ARID2: variants seen among roughly 807,000 people sequenced by gnomAD.
The protein encoded by ARID2 is AT-rich interaction domain 2, also known as AT-rich interactive domain-containing protein 2.
A neutral mutation model predicts 184.6 loss-of-function variants in ARID2; 32 were observed. The observed-to-expected ratio is 0.17, with a 90% CI of 0.13 to 0.23. The LOEUF (loss-of-function observed/expected upper bound fraction) is 0.23. Among genes scored for constraint, ARID2 ranks in the 10% least tolerant of loss-of-function variants. The pLI, the probability that ARID2 is intolerant of heterozygous loss-of-function variation, is 1.00. For synonymous variants in ARID2, 836 were observed against 772.6 expected, an observed-to-expected ratio of 1.08 and a Z score of -1.36; for missense variants, 1,696 against 2,197.6, an observed-to-expected ratio of 0.77 and a Z score of 4.56.
chr12:45,855,864 G>T (rs1483184195), intron 15 of ARID2, among the ~76,000 whole-genome samples: 2 of 151,658 alleles, frequency 1.3e-5, no homozygotes, highest in Non-Finnish European at 2.9e-5. Flanking sequence ...GGGAGCACAG[G>T]CATGTACTGC....
intron 3 of ARID2, among the ~76,000 whole-genome samples, chr12:45,749,606 A>G (rs964189454): frequency 2.6e-5 from 4 of 152,186 alleles, no homozygotes; most frequent in African/African-American, 9.7e-5. Context: ...ATCTTCTTCC[A>G]ATAGAAGGCT....
rs2138154824 is a variant in ARID2, at chr12:45,848,958, A to G, written c.1703A>G (p.Tyr568Cys). ...GGAATCCTAACATCAACTGGATTTTATAAATGTCTTAGGTAGGATCCATAG... is the reference window on the plus strand; with the variant it reads ...GGAATCCTAACATCAACTGGATTTTGTAAATGTCTTAGGTAGGATCCATAG... ...RGGILTSTGF[Y>C]KCLRTVFPNH... Residue 568 changes from tyrosine to cysteine, a missense_variant, in exon 13 of 21, where the codon TAT becomes TGT. By Grantham distance (194) the Tyr-to-Cys change is radical. Around this residue, in one of 11 missense-constraint regions of ARID2, gnomAD observed 713 missense variants for 824.4 expected, o/e 0.86. Transcript: ENST00000334344. The G allele has an allele frequency of 6.2e-7, 1 of 1,612,090 alleles. No individual in the cohort carries two copies. The highest frequency in any genetic ancestry group is 1.1e-5 in the South Asian group (1 of 90,836).
At chr12:45,854,726 T>G (rs920891849) in intron 15 of ARID2, among the ~76,000 whole-genome samples, 1 of 152,224 alleles carries the variant, frequency 6.6e-6, no homozygotes, top group African/African-American at 2.4e-5. Context: ...CCAACACTCA[T>G]TTTTTGTACC....
intron 12 of ARID2, 52 bp downstream of exon 12, chr12:45,846,989 G>GAAAAA: frequency 6.6e-7 from 1 of 1,507,638 alleles, no homozygotes; most frequent in Non-Finnish European, 9.1e-7. Context: ...GTAAAGCAAA[G>GAAAAA]AAAAAAAGGA....
chr12:45,901,214 A>G (rs916765268), intron 20 of ARID2, among the ~76,000 whole-genome samples: 1 of 110,884 alleles, frequency 9.0e-6, no homozygotes, highest in African/African-American at 3.7e-5. Flanking sequence ...TCCGTTGCCC[A>G]GGCTGGAATG....
chr12:45,819,387 G>A (rs1453953626), intron 5 of ARID2, among the ~76,000 whole-genome samples: 1 of 152,126 alleles, frequency 6.6e-6, no homozygotes, highest in Non-Finnish European at 1.5e-5. Context: ...TCTATCATTT[G>A]AAGTCACAGA....
At chr12:45,882,791 A>G (rs1220932483) in intron 16 of ARID2, among the ~76,000 whole-genome samples, 1 of 152,266 alleles carries the variant, frequency 6.6e-6, no homozygotes, top group East Asian at 1.9e-4. Flanking sequence ...TTGTGGTCAT[A>G]AAACCAGAAG....
chr12:45,893,982 A>G (rs1357082908), intron 20 of ARID2: 4 of 257,604 alleles, frequency 1.6e-5, no homozygotes, highest in Non-Finnish European at 2.9e-5. Context: ...TTAGAACAAA[A>G]AGCAGCTGTA....
chr12:45,781,483 A>G (rs1368126453), intron 3 of ARID2, among the ~76,000 whole-genome samples: 1 of 149,562 alleles, frequency 6.7e-6, no homozygotes, highest in Non-Finnish European at 1.5e-5. Context: ...TCAGATTATC[A>G]TTGGTCATTA....
chr12:45,793,782 C>T (rs1023070843), intron 3 of ARID2, among the ~76,000 whole-genome samples: 6 of 150,050 alleles, frequency 4.0e-5, no homozygotes, highest in African/African-American at 1.5e-4. Flanking sequence ...ATCTCCATAC[C>T]TCCATTTAGA....
At position 45,842,683 on chromosome 12, in the gene ARID2, G is replaced by A. The variant is rs145693849; in HGVS notation, c.1498+3187G>A. Among the ~76,000 whole-genome samples, 1,043 of 151,838 alleles carry A rather than the reference G, an allele frequency of 6.9e-3. 9 individuals are homozygous for A. The highest frequency in any genetic ancestry group is 0.024 in the African/African-American group (988 of 41,358). Reference sequence around the variant, plus strand: ...GAGGCAGGAGAATTGCTTGAACCAGGGAGGCAGAGGTTGCAGTGAGCCGAG... The same window carrying A: ...GAGGCAGGAGAATTGCTTGAACCAGAGAGGCAGAGGTTGCAGTGAGCCGAG... On this transcript the variant is annotated intron_variant, in intron 11 of 20. Coordinates refer to ENST00000334344, the MANE Select transcript of ARID2 (RefSeq NM_152641.4).
rs146077419 is a variant in ARID2, at chr12:45,793,216, C to G, written c.285-18202C>G. ...TTGGGAGGCTGAGACAAGAGAACCG[C>G]TTGAACCCCGGAAGCAGAGGTTGCA... On this transcript the variant is annotated intron_variant, in intron 3 of 20. Transcript: ENST00000334344. Among the ~76,000 whole-genome samples, 1,500 of 152,100 alleles carry G rather than the reference C, an allele frequency of 9.9e-3. 30 individuals are homozygous for G. The highest frequency in any genetic ancestry group is 0.035 in the African/African-American group (1,445 of 41,470).
chr12:45,786,902 G>A lies in ARID2; in HGVS notation c.285-24516G>A, dbSNP rs375265111. Among the ~76,000 whole-genome samples the A allele has an allele frequency of 2.3e-3, 344 of 152,234 alleles. 12 individuals carry two copies. The South Asian group carries it at 0.067, about 30-fold the overall frequency. ...AGTCAGGCACAGAAACACAAATACT[G>A]CATGAGCTCAATTATATGTGGAACC... On this transcript the variant is annotated intron_variant, in intron 3 of 20. Coordinates refer to ENST00000334344, the MANE Select transcript of ARID2 (RefSeq NM_152641.4).
chr12:45,763,242 G>A (rs1293222322), intron 3 of ARID2, among the ~76,000 whole-genome samples: 1 of 152,288 alleles, frequency 6.6e-6, no homozygotes, highest in Non-Finnish European at 1.5e-5. Context: ...AGGCCAAGGC[G>A]GGTGGATCAT....
At chr12:45,740,472 AGTGT>A (rs1207039852) in intron 3 of ARID2, among the ~76,000 whole-genome samples, 3 of 152,006 alleles carry the variant, frequency 2.0e-5, no homozygotes, top group South Asian at 2.1e-4. Flanking sequence ...AAATGTGGCA[AGTGT>A]GTGTGTGTGT....
intron 16 of ARID2, among the ~76,000 whole-genome samples, chr12:45,888,194 CAAA>C (rs1312278812): frequency 4.1e-5 from 4 of 97,806 alleles, no homozygotes; most frequent in Admixed American, 1.1e-4. Flanking sequence ...GACTCCGTCT[CAAA>C]AAAAAAAAAA....
intron 4 of ARID2, among the ~76,000 whole-genome samples, chr12:45,813,228 A>G (rs1276427934): frequency 6.6e-5 from 10 of 152,150 alleles, no homozygotes; most frequent in Non-Finnish European, 1.3e-4. Flanking sequence ...CTGGGAACTG[A>G]TGGGGAACAT....
chr12:45,852,924 T>C (rs1186699325), intron 15 of ARID2, 28 bp downstream of exon 15: 1 of 1,514,560 alleles, frequency 6.6e-7, no homozygotes, highest in African/African-American at 1.4e-5. Context: ...CACATTTCTC[T>C]TATGAAATTT....
chr12:45,742,212 AATG>A (rs1472772619), intron 3 of ARID2, among the ~76,000 whole-genome samples: 2 of 152,214 alleles, frequency 1.3e-5, no homozygotes, highest in Non-Finnish European at 2.9e-5. Context: ...TGTTTTGGTA[AATG>A]ATGGACTGCA....
Sources: gnomAD v4.1 joint callset for allele counts (sites outside exome capture counted in the v4.1 genomes callset) on GRCh38, gnomAD v4.1.1 for gene constraint, gnomAD v4.1.1 regional missense constraint, MANE v1.5 for transcripts, NCBI Gene and HGNC (gene_info 2026-07-23, HGNC 2026-07-21) for gene names.